The following OTOA variants were observed in gnomAD, a reference collection of about 807,000 sequenced individuals.
OTOA encodes the protein otoancorin, also known as cancer/testis antigen 108.
OTOA carries 70 observed loss-of-function variants against 110.8 expected under a neutral mutation model. The ratio of observed to expected loss-of-function variants is 0.63; its 90% confidence interval spans 0.52 to 0.77. The LOEUF is 0.77. Ranked by LOEUF, OTOA falls within the 30% of genes least tolerant of loss-of-function variation. The pLI is 0.00. For synonymous variants in OTOA, 373 were observed against 431.5 expected, an observed-to-expected ratio of 0.86 and a Z score of 1.68; for missense variants, 917 against 1,075.8, an observed-to-expected ratio of 0.85 and a Z score of 2.06.
At chr16:21,689,532 A>C (rs150799642) in intron 8 of OTOA, among the ~76,000 whole-genome samples, 1 of 152,264 alleles carries the variant, frequency 6.6e-6, no homozygotes, top group Non-Finnish European at 1.5e-5. Context: ...GCTTGAAGCA[A>C]AAAGGGAATT....
In OTOA at chr16:21,687,630, A is replaced by C. The variant is rs1597811078; in HGVS notation, c.617A>C (p.Glu206Ala). The C allele has an allele frequency of 6.2e-7, 1 of 1,603,766 alleles. No individual in the cohort carries two copies. Residue 206 changes from glutamate to alanine, a missense_variant, in exon 8 of 29, where the codon GAG (glutamate) becomes GCG (alanine). Transcript: ENST00000646100. ...ITERLPRDLREDAFKNLSAVF... is the reference protein window; with the variant it reads ...ITERLPRDLRADAFKNLSAVF... ...GAGCGGCTCCCTCGGGACCTGCGCG[A>C]GGATGCCTTTAAGAACCTGTGAGTG...
At chr16:21,703,543 G>A (rs552646342) in intron 11 of OTOA, among the ~76,000 whole-genome samples, 35 of 152,184 alleles carry the variant, frequency 2.3e-4, no homozygotes, top group Non-Finnish European at 4.4e-5. Flanking sequence ...TGGACACTTA[G>A]GATGATTCCA....
chr16:21,736,754 C>T (rs1899314580), intron 22 of OTOA, among the ~76,000 whole-genome samples: 1 of 152,130 alleles, frequency 6.6e-6, no homozygotes, highest in South Asian at 2.1e-4. Context: ...TTGCTTGAAC[C>T]CAGGAGGTGA....
intron 18 of OTOA, among the ~76,000 whole-genome samples, chr16:21,724,774 T>C (rs991385124): frequency 1.1e-4 from 16 of 152,100 alleles, no homozygotes; most frequent in African/African-American, 3.9e-4. Context: ...AATTAATTAA[T>C]TAATTAATTT....
chr16:21,675,460 A>G (rs1024175130), intron 1 of OTOA, among the ~76,000 whole-genome samples: 1 of 151,252 alleles, frequency 6.6e-6, no homozygotes, highest in Non-Finnish European at 1.5e-5. Flanking sequence ...CCTGCTAATG[A>G]TTTATTCAGA....
chr16:21,684,371 G>A (rs1190052375), intron 6 of OTOA: 1 of 1,415,820 alleles, frequency 7.1e-7, no homozygotes, highest in African/African-American at 1.4e-5. Context: ...ATCTCTTTCA[G>A]GAGAGGCTGA....
intron 6 of OTOA, 33 bp downstream of exon 6, chr16:21,681,858 T>G: frequency 6.3e-7 from 1 of 1,586,520 alleles, no homozygotes; most frequent in South Asian, 1.1e-5. Flanking sequence ...TATGTTCCCA[T>G]CTCAGTGCTC....
At chr16:21,705,513 T>A in intron 12 of OTOA, 2 of 693,778 alleles carry the variant, frequency 2.9e-6, no homozygotes, top group Non-Finnish European at 4.6e-6. Context: ...CAAAATTTAA[T>A]CAGAAAGCTG....
In OTOA at chr16:21,714,986, T is replaced by C. The variant is rs1555499893; in HGVS notation, c.1322T>C (p.Val441Ala). 6.2e-7 allele frequency: 1 copy of C among 1,614,160 alleles called. No homozygotes were observed. Among genetic ancestry groups the C allele is most frequent in the Non-Finnish European group, 8.5e-7 (1 of 1,179,998 alleles). The change falls in exon 14 of 29, where the codon GTG becomes GCG. Residue 441 changes from valine to alanine, a missense_variant and splice_region_variant. Val to Ala is a moderately conservative substitution (Grantham distance 64, BLOSUM62 0). This residue lies in a region of OTOA where 840 missense variants were observed against 910.2 expected (regional missense o/e 0.92). Coordinates refer to ENST00000646100, the MANE Select transcript of OTOA (RefSeq NM_144672.4). The part of the protein sequence containing the change: ...LSAKYLAHEK[V>A]LSFYNVSQMG... The stretch of plus-strand genomic sequence containing the variant: ...ACTGCGCAGCCGCTCCTCTTCCAGG[T>C]GCTGTCTTTCTACAATGTCAGCCAG...
intron 21 of OTOA, among the ~76,000 whole-genome samples, chr16:21,731,400 A>C (rs538307389): frequency 2.0e-5 from 3 of 152,378 alleles, no homozygotes; most frequent in Non-Finnish European, 2.9e-5. Flanking sequence ...ACCAAGGGGC[A>C]TGCAAAATAA....
chr16:21,668,728 C>T (rs1966845334), intron 1 of OTOA, among the ~76,000 whole-genome samples: 1 of 152,084 alleles, frequency 6.6e-6, no homozygotes, highest in Non-Finnish European at 1.5e-5. Context: ...TCCCAAAGTG[C>T]TGGGATTACA....
At chr16:21,691,141 G>A (rs1174949409) in intron 8 of OTOA, among the ~76,000 whole-genome samples, 6 of 152,012 alleles carry the variant, frequency 3.9e-5, no homozygotes, top group Admixed American at 1.3e-4. Flanking sequence ...CAAAGGACAC[G>A]AACTCATCCT....
chr16:21,729,544 G>A (rs1899041847), intron 20 of OTOA: 1 of 152,044 alleles, frequency 6.6e-6, no homozygotes, highest in Non-Finnish European at 1.5e-5. Flanking sequence ...TTTTACATTA[G>A]GATTCACTCT....
chr16:21,693,480 T>C (rs996090130), intron 9 of OTOA, among the ~76,000 whole-genome samples: 1 of 152,116 alleles, frequency 6.6e-6, no homozygotes, highest in African/African-American at 2.4e-5. Context: ...GGCCCTATTG[T>C]TTTATTGTGG....
chr16:21,679,001 G>A (rs372912040), intron 3 of OTOA, 35 bp from the exon 4 acceptor site: 3 of 1,613,826 alleles, frequency 1.9e-6, no homozygotes, highest in South Asian at 2.2e-5. Flanking sequence ...CCAACTTTTG[G>A]TTGTTATACT....
chr16:21,736,911 G>T (rs1326236463), intron 22 of OTOA, among the ~76,000 whole-genome samples: 2 of 152,424 alleles, frequency 1.3e-5, no homozygotes, highest in East Asian at 3.9e-4. Flanking sequence ...TTTAATGCGT[G>T]AATATGTGTA....
At chr16:21,689,574 T>G (rs1812740757) in intron 8 of OTOA, among the ~76,000 whole-genome samples, 2 of 152,184 alleles carry the variant, frequency 1.3e-5, no homozygotes, top group Admixed American at 1.3e-4. Flanking sequence ...GTTTTAGGTG[T>G]AGGGCTGACT....
intron 17 of OTOA, among the ~76,000 whole-genome samples, chr16:21,721,040 G>A (rs1259296235): frequency 1.3e-5 from 2 of 151,282 alleles, no homozygotes; most frequent in Non-Finnish European, 2.9e-5. Context: ...TCAGTCTCCT[G>A]TCTAACTGGG....
At position 21,719,363 on chromosome 16, in the gene OTOA, C is replaced by T. The variant is rs368600897; in HGVS notation, c.1689-24C>T. 1.2e-5 allele frequency: 20 copies of T among 1,607,754 alleles called. No individual in the cohort carries two copies. The Middle Eastern group carries it at 6.6e-4, about 53-fold the overall frequency. ...TCTCCTCCTCACTTCCTTCCTCTCC[C>T]GAGTGCCTTGTTTTGTTTTCTAGTG... On this transcript the variant is annotated intron_variant, in intron 16 of 28. Transcript: ENST00000646100.
Sources: allele counts gnomAD v4.1 joint callset (sites outside exome capture counted in the v4.1 genomes callset), GRCh38; gene constraint gnomAD v4.1.1; regional missense constraint gnomAD v4.1.1; transcripts MANE v1.5; gene names NCBI Gene and HGNC (gene_info 2026-07-23, HGNC 2026-07-21).